RBMS3: variants seen among roughly 807,000 people sequenced by gnomAD.
The protein encoded by RBMS3 is RNA-binding motif, single-stranded-interacting protein 3.
RBMS3 carries 27 observed loss-of-function variants against 66.8 expected under a neutral mutation model. That is an observed-to-expected ratio of 0.40 (90% CI 0.30 to 0.56). RBMS3 has a LOEUF of 0.56. RBMS3 is among the 20% of genes least tolerant of loss of function. RBMS3 has a pLI of 0.40. For missense variants in RBMS3, 513 were observed against 549.5 expected (o/e 0.93, Z 0.66); for synonymous variants, 188 against 183.0 (o/e 1.03, Z -0.22).
chr3:29,992,057 A>C (rs1451056789), intron 14 of RBMS3, among the ~76,000 whole-genome samples: 2 of 151,692 alleles, frequency 1.3e-5, no homozygotes, highest in African/African-American at 2.4e-5. Context: ...TTAGAAAAGT[A>C]AAGTCTTCAT....
At chr3:29,875,550 T>A (rs1181176075) in intron 7 of RBMS3, among the ~76,000 whole-genome samples, 2 of 151,716 alleles carry the variant, frequency 1.3e-5, no homozygotes, top group African/African-American at 4.9e-5. Context: ...TTCACAGATA[T>A]TAAAATGTGA....
At chr3:29,372,895 A>G (rs536420219) in intron 1 of RBMS3, among the ~76,000 whole-genome samples, 5 of 151,586 alleles carry the variant, frequency 3.3e-5, no homozygotes, top group African/African-American at 1.2e-4. Context: ...AAAAAAAAAC[A>G]AAAAAGAAAA....
In RBMS3 at chr3:29,310,057, C is replaced by T. The variant is rs137926767; in HGVS notation, c.75+28301C>T. 5.3e-5 allele frequency among the ~76,000 whole-genome samples: 8 copies of T among 151,500 alleles called. No individual in the cohort carries two copies. The East Asian group carries it at 5.9e-4, about 11-fold the overall frequency. On this transcript the variant is annotated intron_variant, in intron 1 of 14. Transcript: ENST00000383767. The stretch of plus-strand genomic sequence containing the variant: ...CAGTGAAGAATAGGAGATGTGAGAA[C>T]GTGAGTAAAAAAATGCCATTAAAGG...
At chr3:29,788,995 C>T (rs772297292) in intron 6 of RBMS3, among the ~76,000 whole-genome samples, 7 of 152,142 alleles carry the variant, frequency 4.6e-5, no homozygotes, top group African/African-American at 9.7e-5. Flanking sequence ...TAAGATTGAA[C>T]ATTTTTGATG....
intron 7 of RBMS3, among the ~76,000 whole-genome samples, chr3:29,874,423 C>A (rs2059562957): frequency 6.6e-6 from 1 of 152,062 alleles, no homozygotes; most frequent in African/African-American, 2.4e-5. Context: ...TAGTTTATCA[C>A]TATTTTCTTT....
intron 10 of RBMS3, among the ~76,000 whole-genome samples, chr3:29,930,999 G>A (rs1252589890): frequency 2.0e-5 from 3 of 151,576 alleles, no homozygotes; most frequent in Admixed American, 6.6e-5. Context: ...TCATTCTTTC[G>A]GTGAACTCTT....
At chr3:29,761,437 GCCACATGCTTGCTC>G (rs1368468215) in intron 5 of RBMS3, among the ~76,000 whole-genome samples, 1 of 152,032 alleles carries the variant, frequency 6.6e-6, no homozygotes. Flanking sequence ...CTTCCACTGA[GCCACATGCTTGCTC>G]TCTCTACCAC....
intron 2 of RBMS3, among the ~76,000 whole-genome samples, chr3:29,446,864 A>G (rs2041848794): frequency 6.9e-6 from 1 of 145,492 alleles, no homozygotes; most frequent in African/African-American, 2.5e-5. Flanking sequence ...TTTACATAGC[A>G]TATATTTAAG....
intron 3 of RBMS3, among the ~76,000 whole-genome samples, chr3:29,522,878 T>G (rs1249324602): frequency 1.3e-5 from 2 of 152,150 alleles, no homozygotes; most frequent in Admixed American, 1.3e-4. Flanking sequence ...TGTGGAGCTG[T>G]CATTTAGAGG....
At chr3:29,666,274 A>G (rs2050752277) in intron 4 of RBMS3, among the ~76,000 whole-genome samples, 2 of 152,144 alleles carry the variant, frequency 1.3e-5, no homozygotes, top group African/African-American at 2.4e-5. Context: ...CAGCACATAT[A>G]TTAAGTGCTT....
At chr3:29,573,655 GTTCT>G (rs1162977394) in intron 3 of RBMS3, among the ~76,000 whole-genome samples, 1 of 151,680 alleles carries the variant, frequency 6.6e-6, no homozygotes, top group African/African-American at 2.4e-5. Flanking sequence ...GCATCCTTAG[GTTCT>G]TTATTTGAAT....
chr3:29,519,729 C>A (rs867264195), intron 3 of RBMS3, among the ~76,000 whole-genome samples: 1 of 152,152 alleles, frequency 6.6e-6, no homozygotes, highest in African/African-American at 2.4e-5. Flanking sequence ...AAATCTCAAG[C>A]TTGGACCTCA....
intron 4 of RBMS3, chr3:29,698,665 G>A (rs1004509979): frequency 3.5e-5 from 34 of 970,662 alleles, no homozygotes; most frequent in Non-Finnish European, 4.2e-5. Flanking sequence ...CTTCTCATTT[G>A]CTTTTTTTAA....
chr3:29,670,446 G>T (rs2050948099), intron 4 of RBMS3, among the ~76,000 whole-genome samples: 1 of 152,168 alleles, frequency 6.6e-6, no homozygotes, highest in Admixed American at 6.5e-5. Flanking sequence ...CCGAAGCAGG[G>T]CAGGGCATCG....
At chr3:29,592,514 G>A (rs1350453051) in intron 4 of RBMS3, among the ~76,000 whole-genome samples, 3 of 152,192 alleles carry the variant, frequency 2.0e-5, no homozygotes, top group African/African-American at 7.2e-5. Flanking sequence ...AACAACAGGT[G>A]CTGGAGAGGA....
intron 2 of RBMS3, among the ~76,000 whole-genome samples, chr3:29,476,896 G>A (rs576659465): frequency 4.6e-5 from 7 of 152,152 alleles, no homozygotes; most frequent in East Asian, 3.9e-4. Context: ...TGAGTGTTAC[G>A]AAGCTCAGAA....
chr3:29,295,273 T>TTATA (rs370586837), intron 1 of RBMS3, among the ~76,000 whole-genome samples: 8 of 51,350 alleles, frequency 1.6e-4, no homozygotes, highest in South Asian at 1.5e-3. Flanking sequence ...TTGCAGAAAA[T>TTATA]TATATATATA....
intron 4 of RBMS3, among the ~76,000 whole-genome samples, chr3:29,699,053 A>G (rs1246474390): frequency 6.6e-6 from 1 of 152,174 alleles, no homozygotes; most frequent in Non-Finnish European, 1.5e-5. Flanking sequence ...TTGATAGGCA[A>G]TTGGCTTTGT....
At chr3:29,610,734 G>A (rs907253110) in intron 4 of RBMS3, among the ~76,000 whole-genome samples, 5 of 152,114 alleles carry the variant, frequency 3.3e-5, no homozygotes, top group South Asian at 2.1e-4. Context: ...GAAAACACTC[G>A]CTGGTCTCAT....
Sources: allele counts gnomAD v4.1 joint callset (sites outside exome capture counted in the v4.1 genomes callset), GRCh38; gene constraint gnomAD v4.1.1; transcripts MANE v1.5; gene names NCBI Gene and HGNC (gene_info 2026-07-23, HGNC 2026-07-21).